FGF18: variants seen among roughly 807,000 people sequenced by gnomAD.
FGF18 encodes fibroblast growth factor 18.
FGF18 carries 5 observed loss-of-function variants against 23.0 expected under a neutral mutation model. That is an observed-to-expected ratio of 0.22 (90% CI 0.11 to 0.46). FGF18 has a LOEUF of 0.46. Ranked by LOEUF, FGF18 falls within the 20% of genes least tolerant of loss-of-function variation. The probability of loss-of-function intolerance (pLI) is 0.99; values close to 1 mark genes in which losing one functional copy is unlikely to be tolerated. For synonymous variants in FGF18, 117 were observed against 118.9 expected, an observed-to-expected ratio of 0.98 and a Z score of 0.10; for missense variants, 180 against 291.6, an observed-to-expected ratio of 0.62 and a Z score of 2.79.
chr5:171,435,979 G>GTGTA (rs2113344040), intron 2 of FGF18, 114 bp from the exon 3 acceptor site: 1 of 817,726 alleles, frequency 1.2e-6, no homozygotes, highest in African/African-American at 1.8e-5. Context: ...GCCACGGCCT[G>GTGTA]GCTCAGAGCC....
chr5:171,438,098 T>G (rs1250699585), intron 3 of FGF18, among the ~76,000 whole-genome samples: 1 of 147,208 alleles, frequency 6.8e-6, no homozygotes, highest in Admixed American at 6.7e-5. Flanking sequence ...CTTTTTCTTT[T>G]CTTTTTTTTT....
At chr5:171,422,131 C>A (rs1772019407) in intron 2 of FGF18, among the ~76,000 whole-genome samples, 1 of 151,818 alleles carries the variant, frequency 6.6e-6, no homozygotes, top group African/African-American at 2.4e-5. Flanking sequence ...GCTGTTGGTT[C>A]TTCTTGAAGT....
chr5:171,423,581 A>G (rs1217432496), intron 2 of FGF18, among the ~76,000 whole-genome samples: 3 of 151,772 alleles, frequency 2.0e-5, no homozygotes, highest in African/African-American at 7.3e-5. Flanking sequence ...CTGCAGCGCC[A>G]CTTCCTCTCT....
chr5:171,435,984 A>G (rs1772238825), intron 2 of FGF18, 109 bp from the exon 3 acceptor site: 3 of 871,034 alleles, frequency 3.4e-6, no homozygotes, highest in South Asian at 3.4e-5. Flanking sequence ...GGCCTGGCTC[A>G]GAGCCGGTGT....
At chr5:171,437,486 GTTCCCCTCCCACTCTCT>G (rs1299573282) in intron 3 of FGF18, among the ~76,000 whole-genome samples, 1 of 151,982 alleles carries the variant, frequency 6.6e-6, no homozygotes, top group Non-Finnish European at 1.5e-5. Context: ...TACCGCCTCC[GTTCCCCTCCCACTCTCT>G]TTCCCCTTCT....
chr5:171,426,919 C>T (rs1247153802), intron 2 of FGF18, among the ~76,000 whole-genome samples: 1 of 152,136 alleles, frequency 6.6e-6, no homozygotes. Flanking sequence ...TGAGAAATAC[C>T]TACTTCTGGC....
chr5:171,451,255 G>C lies in FGF18; in HGVS notation c.357+2002G>C, dbSNP rs1772503516. ...CGGCGCCTCCCCCGCTCCCGCCCAGGCCTCCACGCCCGACCCCAACCCTTG... is the reference window on the plus strand; with the variant it reads ...CGGCGCCTCCCCCGCTCCCGCCCAGCCCTCCACGCCCGACCCCAACCCTTG... On this transcript the variant is annotated intron_variant, in intron 4 of 4. Coordinates refer to ENST00000274625, the MANE Select transcript of FGF18 (RefSeq NM_003862.3). The surrounding 1 kb of genome is among the most constrained non-coding windows in gnomAD (Gnocchi z 4.5). 6.6e-6 allele frequency among the ~76,000 whole-genome samples: 1 copy of C among 152,088 alleles called. No individual in the cohort carries two copies. The highest frequency in any genetic ancestry group is 2.4e-5 in the African/African-American group (1 of 41,442).
At chr5:171,420,295 T>C (rs1214618768) in intron 1 of FGF18, 64 bp downstream of exon 1, 4 of 1,606,482 alleles carry the variant, frequency 2.5e-6, no homozygotes, top group Non-Finnish European at 3.4e-6. Context: ...CTGTGCCCTG[T>C]ACCTCTGTCT....
rs1561886544 is a variant in FGF18 at position 171,434,909 on chromosome 5, GA to G, written c.70-1183del. ...AGCGCAAAGCATGGTTGAGGGGAGG[GA>G]GAGTGTCAGAGCTGGAGGTGGCTTC... is the stretch of plus-strand genomic sequence containing the variant. On this transcript the variant is annotated intron_variant, in intron 2 of 4. Transcript: ENST00000274625. The surrounding 1 kb of genome is among the most constrained non-coding windows in gnomAD (Gnocchi z 4.6). Among the ~76,000 whole-genome samples the G allele has an allele frequency of 6.6e-6, 1 of 152,018 alleles. No individual in the cohort carries two copies. The highest frequency in any genetic ancestry group is 1.5e-5 in the Non-Finnish European group (1 of 67,998).
intron 3 of FGF18, among the ~76,000 whole-genome samples, chr5:171,442,653 C>T (rs1406074374): frequency 5.9e-5 from 9 of 152,236 alleles, no homozygotes; most frequent in Non-Finnish European, 7.3e-5. Context: ...TGGGTTCTGC[C>T]TCTTTGGGTC....
intron 2 of FGF18, among the ~76,000 whole-genome samples, chr5:171,432,338 G>A (rs1772192910): frequency 6.6e-6 from 1 of 151,772 alleles, no homozygotes; most frequent in Non-Finnish European, 1.5e-5. Context: ...GGGTCGCTGA[G>A]GTGCCATGTC....
chr5:171,443,529 T>TTTTTTTTTTTTTG (rs1772376722), intron 3 of FGF18, among the ~76,000 whole-genome samples: 1 of 117,776 alleles, frequency 8.5e-6, no homozygotes, highest in Non-Finnish European at 1.8e-5. Flanking sequence ...TTTTTTTTTT[T>TTTTTTTTTTTTTG]TTTAGCAGAG....
chr5:171,436,355 A>G lies in FGF18; in HGVS notation c.250+82A>G. The G allele has an allele frequency of 8.6e-7, 1 of 1,158,862 alleles. No homozygotes were observed. The highest frequency in any genetic ancestry group is 1.2e-6 in the Non-Finnish European group (1 of 866,542). 71.8% of individuals were successfully genotyped at this position (1,158,862 alleles called of 1,614,324 possible). A position where few individuals can be genotyped will look rare whatever the true frequency, so the allele number is the denominator to read the frequency against. ...CTCAGAGACCTCAAGTTCAAATGCC[A>G]GCCTTGCTGCTCCTGGCTGTGTGAT... On this transcript the variant is annotated intron_variant, in intron 3 of 4. Transcript: ENST00000274625. This position sits in a 1 kb window ranked among gnomAD's most constrained non-coding sequence, Gnocchi z 4.4.
chr5:171,437,051 T>C (rs1488427431), intron 3 of FGF18, among the ~76,000 whole-genome samples: 1 of 152,220 alleles, frequency 6.6e-6, no homozygotes, highest in Admixed American at 6.5e-5. Context: ...CTGCGAGGCC[T>C]CCTGGTCCTT....
intron 4 of FGF18, 134 bp downstream of exon 4, chr5:171,449,387 G>GTT: frequency 2.0e-6 from 1 of 510,888 alleles, no homozygotes; most frequent in Non-Finnish European, 3.7e-6. Context: ...GTGTGTGTGT[G>GTT]TGTGTGTGTG....
intron 4 of FGF18, among the ~76,000 whole-genome samples, chr5:171,453,426 C>T (rs532838105): frequency 1.5e-4 from 23 of 152,292 alleles, no homozygotes; most frequent in Admixed American, 5.9e-4. Context: ...CTTGTACATC[C>T]AAAACCTCGC....
intron 2 of FGF18, among the ~76,000 whole-genome samples, chr5:171,431,099 C>T (rs1772176349): frequency 6.6e-6 from 1 of 152,108 alleles, no homozygotes; most frequent in Non-Finnish European, 1.5e-5. Context: ...GCTTTTCAGC[C>T]ATGAGTGGGC....
At chr5:171,420,744 T>A (rs1771992909) in intron 2 of FGF18, among the ~76,000 whole-genome samples, 1 of 152,184 alleles carries the variant, frequency 6.6e-6, no homozygotes, top group Non-Finnish European at 1.5e-5. Context: ...TATACCCAGC[T>A]CTAAGACCCC....
chr5:171,443,651 G>T (rs944246626), intron 3 of FGF18, among the ~76,000 whole-genome samples: 1 of 151,892 alleles, frequency 6.6e-6, no homozygotes, highest in Non-Finnish European at 1.5e-5. Flanking sequence ...CGCCTGGCCT[G>T]TTATCATCAT....
Sources: allele counts gnomAD v4.1 joint callset (sites outside exome capture counted in the v4.1 genomes callset), GRCh38; gene constraint gnomAD v4.1.1; non-coding constraint Gnocchi (gnomAD v3.1); transcripts MANE v1.5; gene names NCBI Gene and HGNC (gene_info 2026-07-23, HGNC 2026-07-21).